PPARGC1A: variants seen among roughly 807,000 people sequenced by gnomAD.
PPARGC1A encodes PPARG coactivator 1 alpha, also known as peroxisome proliferator-activated receptor gamma coactivator 1-alpha.
In PPARGC1A, 25 loss-of-function variants were observed where a neutral mutation model predicts 88.7. The ratio of observed to expected loss-of-function variants is 0.28; its 90% CI spans 0.21 to 0.39. PPARGC1A has a LOEUF of 0.39. Among genes scored for constraint, PPARGC1A ranks in the 10% least tolerant of loss-of-function variants. The pLI is 1.00. For synonymous variants in PPARGC1A, 363 were observed against 355.6 expected (o/e 1.02, Z -0.24); for missense variants, 880 against 968.7 (o/e 0.91, Z 1.22).
the PPARGC1A span, among the ~76,000 whole-genome samples, chr4:24,441,644 C>T: frequency 6.7e-6 from 1 of 149,332 alleles, no homozygotes; most frequent in African/African-American, 2.5e-5. Context: ...GGCTATTGTC[C>T]AAAAAAAAGG....
In PPARGC1A at chr4:23,793,658, A is replaced by T. The variant is rs565740801; in HGVS notation, c.*2164T>A. On this transcript the variant is annotated 3_prime_UTR_variant, in exon 13 of 13. Coordinates refer to ENST00000264867, the MANE Select transcript of PPARGC1A (RefSeq NM_013261.5). ...GAATACACACTCCAAATGTTACTGA[A>T]TTCCATTCCAGGGACTCCACACTCA... 6.6e-6 allele frequency: 1 copy of T among 152,166 alleles called. No individual in the cohort carries two copies. The highest frequency in any genetic ancestry group is 1.5e-5 in the Non-Finnish European group (1 of 68,010). The allele number at this position is 152,166 out of a possible 1,614,324, so 9.4% of individuals were successfully genotyped here.
the PPARGC1A span, among the ~76,000 whole-genome samples, chr4:23,977,829 T>C: frequency 6.6e-6 from 1 of 152,216 alleles, no homozygotes; most frequent in African/African-American, 2.4e-5. Flanking sequence ...AGATGGTACC[T>C]GTTTGTCAAA....
chr4:24,427,236 A>G, the PPARGC1A span, among the ~76,000 whole-genome samples: 2 of 151,528 alleles, frequency 1.3e-5, no homozygotes, highest in African/African-American at 4.9e-5. Flanking sequence ...CATACTTAAA[A>G]TATTTTTTTC....
At chr4:24,010,903 T>C in the PPARGC1A span, among the ~76,000 whole-genome samples, 1 of 152,168 alleles carries the variant, frequency 6.6e-6, no homozygotes, top group African/African-American at 2.4e-5. Flanking sequence ...GGTTTTAGAA[T>C]GGCAGAGAGT....
At chr4:24,277,660 T>C in the PPARGC1A span, among the ~76,000 whole-genome samples, 7 of 152,210 alleles carry the variant, frequency 4.6e-5, no homozygotes, top group Non-Finnish European at 1.0e-4. Context: ...AGATGAAATC[T>C]GATGGGAAAT....
At chr4:23,903,943 C>T (rs1275761358), upstream of PPARGC1A, 2 of 763,104 alleles carry the variant, frequency 2.6e-6, no homozygotes, top group African/African-American at 1.9e-5. Flanking sequence ...AACCCACCTA[C>T]CAATAGCATA....
At chr4:24,259,741 G>A in the PPARGC1A span, among the ~76,000 whole-genome samples, 1 of 152,062 alleles carries the variant, frequency 6.6e-6, no homozygotes, top group Non-Finnish European at 1.5e-5. Context: ...ATGAATCACA[G>A]CATTAAACTA....
At chr4:23,989,326 A>T in the PPARGC1A span, among the ~76,000 whole-genome samples, 245 of 151,992 alleles carry the variant, frequency 1.6e-3, no homozygotes, top group African/African-American at 5.3e-3. Context: ...GATTTTTTTT[A>T]AATGTATGCT....
At chr4:23,914,770 C>A in the PPARGC1A span, among the ~76,000 whole-genome samples, 946 of 152,286 alleles carry the variant, frequency 6.2e-3, 8 homozygotes, top group African/African-American at 0.022. Context: ...CAGTCAATAT[C>A]AAGATGTTTT....
At chr4:23,924,694 A>C in the PPARGC1A span, among the ~76,000 whole-genome samples, 1 of 152,162 alleles carries the variant, frequency 6.6e-6, no homozygotes, top group African/African-American at 2.4e-5. Flanking sequence ...TACTTTCTGC[A>C]TACACAAACC....
the PPARGC1A span, among the ~76,000 whole-genome samples, chr4:24,022,351 C>T: frequency 6.6e-6 from 1 of 152,122 alleles, no homozygotes; most frequent in Admixed American, 6.5e-5. Flanking sequence ...CCCCGAGTGC[C>T]TCCCTCTCAC....
At chr4:24,269,239 C>T in the PPARGC1A span, among the ~76,000 whole-genome samples, 13 of 151,854 alleles carry the variant, frequency 8.6e-5, no homozygotes, top group Admixed American at 2.6e-4. Context: ...TGAATTTTGA[C>T]GACCAAATTT....
chr4:24,457,884 G>A, the PPARGC1A span, among the ~76,000 whole-genome samples: 1 of 152,084 alleles, frequency 6.6e-6, no homozygotes, highest in African/African-American at 2.4e-5. Flanking sequence ...TAGAGTCCAG[G>A]TTTATTCCTT....
chr4:24,275,038 G>A, the PPARGC1A span, among the ~76,000 whole-genome samples: 1 of 152,172 alleles, frequency 6.6e-6, no homozygotes, highest in South Asian at 2.1e-4. Context: ...TCTATTCAGA[G>A]GATAGTCTTA....
At chr4:24,417,940 A>G in the PPARGC1A span, among the ~76,000 whole-genome samples, 1 of 152,066 alleles carries the variant, frequency 6.6e-6, no homozygotes, top group African/African-American at 2.4e-5. Context: ...AATGACTTCT[A>G]TATGGCTATA....
At chr4:24,441,039 A>C in the PPARGC1A span, among the ~76,000 whole-genome samples, 3 of 152,150 alleles carry the variant, frequency 2.0e-5, no homozygotes, top group Non-Finnish European at 4.4e-5. Flanking sequence ...ACCATTCCCA[A>C]GCAATCTAAC....
the PPARGC1A span, among the ~76,000 whole-genome samples, chr4:24,133,595 T>A: frequency 6.6e-6 from 1 of 152,162 alleles, no homozygotes; most frequent in African/African-American, 2.4e-5. Context: ...ATACAACCAT[T>A]TGGGGAGATT....
At chr4:23,806,986 T>C (rs1719924847) in intron 10 of PPARGC1A, among the ~76,000 whole-genome samples, 1 of 152,168 alleles carries the variant, frequency 6.6e-6, no homozygotes, top group Admixed American at 6.5e-5. Context: ...AGGAAGAGCT[T>C]GATATAATGT....
chr4:24,181,476 A>G, the PPARGC1A span, among the ~76,000 whole-genome samples: 1 of 152,216 alleles, frequency 6.6e-6, no homozygotes, highest in Non-Finnish European at 1.5e-5. Context: ...CATGCTAAGT[A>G]CTTAATTAAC....
Sources: gnomAD v4.1 joint callset for allele counts (sites outside exome capture counted in the v4.1 genomes callset) on GRCh38, gnomAD v4.1.1 for gene constraint, MANE v1.5 for transcripts, NCBI Gene and HGNC (gene_info 2026-07-23, HGNC 2026-07-21) for gene names.